The following CRLF3 variants were observed in gnomAD, a reference collection of about 807,000 sequenced individuals.
CRLF3 encodes cytokine receptor-like factor 3.
CRLF3 carries 33 observed loss-of-function variants against 55.0 expected under a neutral mutation model. That is an observed-to-expected ratio of 0.60 (90% CI 0.46 to 0.80). The LOEUF (loss-of-function observed/expected upper bound fraction) is 0.80, where lower values mean the gene tolerates loss of function less well. CRLF3 is among the 30% of genes least tolerant of loss of function. The probability of loss-of-function intolerance (pLI) is 0.00; values close to 1 mark genes in which losing one functional copy is unlikely to be tolerated. For missense variants in CRLF3, 494 were observed against 538.4 expected (o/e 0.92, Z 0.82); for synonymous variants, 238 against 196.8 (o/e 1.21, Z -1.75).
intron 2 of CRLF3, among the ~76,000 whole-genome samples, chr17:30,797,697 T>C (rs1011561594): frequency 1.3e-5 from 2 of 151,792 alleles, no homozygotes; most frequent in African/African-American, 4.8e-5. Flanking sequence ...TCTTTCCATC[T>C]CTCCTACAGA....
In CRLF3 at chr17:30,801,643, T is replaced by G. The variant is rs6505212; in HGVS notation, c.337+2258A>C. Among the ~76,000 whole-genome samples, 36 of 152,168 alleles carry G rather than the reference T, an allele frequency of 2.4e-4. No individual in the cohort carries two copies. The South Asian group carries it at 7.3e-3, about 31-fold the overall frequency. ...ATGGGGTTTTACCATGTTGGCCAGG[T>G]TAGTCTCAAACTCCTGACCTCAAGT... On this transcript the variant is annotated intron_variant, in intron 2 of 7. Coordinates refer to ENST00000324238, the MANE Select transcript of CRLF3 (RefSeq NM_015986.4).
chr17:30,804,066 G>A lies in CRLF3; in HGVS notation c.172C>T (p.His58Tyr). 6.2e-7 allele frequency: 1 copy of A among 1,613,792 alleles called. No individual in the cohort carries two copies. Among genetic ancestry groups the A allele is most frequent in the Non-Finnish European group, 8.5e-7 (1 of 1,179,856 alleles). ...AGGGTTCCCTTTAAATCATTAAAATGCTGTTTGAGAACATCCCTTGTCTGT... is the reference window on the plus strand; with the variant it reads ...AGGGTTCCCTTTAAATCATTAAAATACTGTTTGAGAACATCCCTTGTCTGT... ...ASQTRDVLKQHFNDLKGTLGK... is the reference protein window; with the variant it reads ...ASQTRDVLKQYFNDLKGTLGK... The change falls in exon 2 of 8, where the codon CAT becomes TAT. Residue 58 changes from histidine to tyrosine, a missense_variant. Transcript: ENST00000324238.
intron 1 of CRLF3, among the ~76,000 whole-genome samples, chr17:30,807,199 T>TA (rs1389942102): frequency 6.6e-6 from 1 of 152,196 alleles, no homozygotes; most frequent in Non-Finnish European, 1.5e-5. Flanking sequence ...CTTAGTTTCA[T>TA]ATGACATATT....
At chr17:30,793,790 A>G in intron 4 of CRLF3, 118 bp from the exon 5 acceptor site, 1 of 639,982 alleles carries the variant, frequency 1.6e-6, no homozygotes, top group Non-Finnish European at 2.7e-6. Context: ...CATGCTGAAT[A>G]TGGGGTATTC....
Position 30,784,141 on chromosome 17 carries a change from G to C in CRLF3, c.*46C>G. ...GCAATTACAACTACGCTGGGCTGAG[G>C]ACAGCTACGTTAGACCCTGAAAACC... On this transcript the variant is annotated 3_prime_UTR_variant, in exon 8 of 8. Transcript: ENST00000324238. 6.4e-7 allele frequency: 1 copy of C among 1,565,160 alleles called. No homozygotes were observed. The highest frequency in any genetic ancestry group is 8.7e-7 in the Non-Finnish European group (1 of 1,151,128).
At chr17:30,806,354 G>A (rs565147691) in intron 1 of CRLF3, among the ~76,000 whole-genome samples, 2 of 152,276 alleles carry the variant, frequency 1.3e-5, no homozygotes, top group Admixed American at 1.3e-4. Flanking sequence ...CTTGCCTGGA[G>A]CAGTAATTAT....
intron 1 of CRLF3, among the ~76,000 whole-genome samples, chr17:30,824,127 T>C (rs1245867012): frequency 6.6e-6 from 1 of 151,884 alleles, no homozygotes. Context: ...CACCTCTTCC[T>C]CAGGCTCTCT....
chr17:30,787,882 C>G (rs1025405360), intron 6 of CRLF3, among the ~76,000 whole-genome samples: 41 of 152,034 alleles, frequency 2.7e-4, no homozygotes, highest in African/African-American at 9.9e-4. Context: ...CTCCTGTAAT[C>G]CTAGCTACTC....
At position 30,814,671 on chromosome 17, in the gene CRLF3, T is replaced by A. The variant is rs199820944; in HGVS notation, c.129+9852A>T. On this transcript the variant is annotated intron_variant, in intron 1 of 7. Transcript: ENST00000324238. ...GACTCCACCTCAAAAAAAAAAAAAA[T>A]AGTTCTCTATCAAAATTATATACAT... 2.0e-3 allele frequency among the ~76,000 whole-genome samples: 275 copies of A among 138,200 alleles called. 6 individuals are homozygous for A. The East Asian group carries it at 0.042, about 21-fold the overall frequency. 90.7% of individuals were successfully genotyped at this position (138,200 alleles called of 152,430 possible).
intron 1 of CRLF3, among the ~76,000 whole-genome samples, chr17:30,822,381 G>A (rs989439542): frequency 3.9e-5 from 6 of 152,096 alleles, no homozygotes; most frequent in Admixed American, 1.3e-4. Context: ...AGTTAGCTTC[G>A]AGAGATGCTG....
intron 1 of CRLF3, among the ~76,000 whole-genome samples, chr17:30,814,862 G>A (rs1904735911): frequency 6.6e-6 from 1 of 151,664 alleles, no homozygotes; most frequent in African/African-American, 2.4e-5. Context: ...TTAGCCGGGT[G>A]TGGTGGCACA....
intron 2 of CRLF3, among the ~76,000 whole-genome samples, chr17:30,799,407 T>C: frequency 6.6e-6 from 1 of 152,138 alleles, no homozygotes; most frequent in African/African-American, 2.4e-5. Context: ...TCACCCAGGC[T>C]GGAGTGTGAT....
At chr17:30,824,372 C>T in intron 1 of CRLF3, 151 bp downstream of exon 1, 1 of 604,450 alleles carries the variant, frequency 1.7e-6, no homozygotes, top group Non-Finnish European at 2.4e-6. Flanking sequence ...CTTCCCCGTT[C>T]CCAGACTCCA....
rs745552387 is a variant in CRLF3 at position 30,824,532 on chromosome 17, C to T, written c.120G>A (p.Ala40=). The part of the protein sequence containing the change: ...LGHRLEGLRE[A]RRQIKESASQ... ...GGTGTGGCCCTCCGACCTGCCTCCG[C>T]GCCTCACGCAGCCCCTCAAGCCGGT... Residue 40 remains alanine, a synonymous_variant, in exon 1 of 8, where the codon GCG becomes GCA. Coordinates refer to ENST00000324238, the MANE Select transcript of CRLF3 (RefSeq NM_015986.4). The T allele has an allele frequency of 1.9e-6, 3 of 1,591,246 alleles. No individual in the cohort carries two copies. The highest frequency in any genetic ancestry group is 2.2e-5 in the South Asian group (2 of 89,176).
chr17:30,791,310 A>T (rs565998696), intron 6 of CRLF3, among the ~76,000 whole-genome samples: 1 of 151,998 alleles, frequency 6.6e-6, no homozygotes, highest in East Asian at 2.0e-4. Context: ...TAACCTTGTG[A>T]TCCACCCACC....
rs148454306 is a variant in CRLF3, at chr17:30,824,628, C to G, written c.24G>C (p.Glu8Asp). The G allele has an allele frequency of 4.4e-6, 7 of 1,602,058 alleles. No individual in the cohort carries two copies. The highest frequency in any genetic ancestry group is 3.3e-5 in the Admixed American group (2 of 59,730). ...GGGCCTCCTGCAACAGCAGCTCAGG[C>G]TCCAGCTCCATCGCCCCCCTCATCT... is the stretch of plus-strand genomic sequence containing the variant. Reference protein sequence around the residue: MRGAMELEPELLLQEARE... With the variant: MRGAMELDPELLLQEARE... The change falls in exon 1 of 8, where the codon GAG (glutamate) becomes GAC (aspartate). Residue 8 changes from glutamate (E) to aspartate (D), a missense_variant. By Grantham distance (45) the Glu-to-Asp change is conservative. Coordinates refer to ENST00000324238, the MANE Select transcript of CRLF3 (RefSeq NM_015986.4).
intron 1 of CRLF3, among the ~76,000 whole-genome samples, chr17:30,823,793 T>G (rs1490006446): frequency 6.6e-6 from 1 of 152,138 alleles, no homozygotes; most frequent in Non-Finnish European, 1.5e-5. Context: ...GCTTTTCCTT[T>G]CAGCACTCCT....
At chr17:30,807,846 G>C (rs942580916) in intron 1 of CRLF3, among the ~76,000 whole-genome samples, 1 of 151,886 alleles carries the variant, frequency 6.6e-6, no homozygotes, top group Non-Finnish European at 1.5e-5. Flanking sequence ...TGACATTAAC[G>C]CAGTTATAAT....
chr17:30,786,032 CTG>C lies in CRLF3; in HGVS notation c.960-3_960-2del. The C allele has an allele frequency of 1.3e-6, 2 of 1,539,072 alleles. No homozygotes were observed. Among genetic ancestry groups the C allele is most frequent in the African/African-American group, 1.4e-5 (1 of 73,348 alleles). On this transcript the variant is annotated splice_acceptor_variant and splice_polypyrimidine_tract_variant and intron_variant, in intron 6 of 7. Transcript: ENST00000324238. LOFTEE classifies it high-confidence loss of function. ...GTCTGGCTGTCCCACAGTTTCAACTCTGTAAATGAAGTAGAAAGGTCATTTCA... is the reference window on the plus strand; with the variant it reads ...GTCTGGCTGTCCCACAGTTTCAACTCTAAATGAAGTAGAAAGGTCATTTCA...
Sources: allele counts gnomAD v4.1 joint callset (sites outside exome capture counted in the v4.1 genomes callset), GRCh38; gene constraint gnomAD v4.1.1; transcripts MANE v1.5; gene names NCBI Gene and HGNC (gene_info 2026-07-23, HGNC 2026-07-21).